DPP6: variants seen among roughly 807,000 people sequenced by gnomAD.
DPP6 encodes A-type potassium channel modulatory protein DPP6.
A neutral mutation model predicts 122.6 loss-of-function variants in DPP6; 69 were observed. That is an observed-to-expected ratio of 0.56 (90% CI 0.46 to 0.69). The LOEUF (loss-of-function observed/expected upper bound fraction) is 0.69, where lower values mean the gene tolerates loss of function less well. Among genes scored for constraint, DPP6 ranks in the 30% least tolerant of loss-of-function variants. The probability of loss-of-function intolerance (pLI) is 0.00; values close to 1 mark genes in which losing one functional copy is unlikely to be tolerated. For synonymous variants in DPP6, 418 were observed against 433.1 expected (o/e 0.97, Z 0.43); for missense variants, 928 against 1,116.9 (o/e 0.83, Z 2.41).
chr7:154,617,081 TG>T (rs1834309489), intron 5 of DPP6, among the ~76,000 whole-genome samples: 1 of 152,180 alleles, frequency 6.6e-6, no homozygotes, highest in East Asian at 1.9e-4. Flanking sequence ...AGAATGTGTT[TG>T]GTTTGGCTTT....
the DPP6 span, among the ~76,000 whole-genome samples, chr7:153,838,585 TG>T: frequency 6.6e-6 from 1 of 152,196 alleles, no homozygotes; most frequent in Non-Finnish European, 1.5e-5. Context: ...AGGATGTCTG[TG>T]AGAATCATTG....
At chr7:153,976,199 G>T (rs1167665417) in intron 1 of DPP6, among the ~76,000 whole-genome samples, 1 of 152,132 alleles carries the variant, frequency 6.6e-6, no homozygotes, top group Non-Finnish European at 1.5e-5. Flanking sequence ...TGTATTGAAA[G>T]AAAAAGAAGC....
intron 1 of DPP6, among the ~76,000 whole-genome samples, chr7:154,127,665 A>C (rs1808031747): frequency 1.4e-5 from 2 of 147,056 alleles, no homozygotes; most frequent in Non-Finnish European, 3.0e-5. Flanking sequence ...ACACACACAC[A>C]CACACACACA....
intron 1 of DPP6, among the ~76,000 whole-genome samples, chr7:154,242,092 G>C (rs1279549885): frequency 6.6e-6 from 1 of 152,198 alleles, no homozygotes; most frequent in Non-Finnish European, 1.5e-5. Flanking sequence ...AGTGCTGTCA[G>C]TTCCCTCTTT....
At chr7:153,810,169 G>C in the DPP6 span, among the ~76,000 whole-genome samples, 220 of 152,336 alleles carry the variant, frequency 1.4e-3, no homozygotes, top group Middle Eastern at 3.4e-3. Flanking sequence ...TCATCTCACA[G>C]CTGTGAAGCC....
At chr7:154,078,670 G>T (rs1803747485) in intron 1 of DPP6, among the ~76,000 whole-genome samples, 5 of 151,362 alleles carry the variant, frequency 3.3e-5, no homozygotes, top group South Asian at 4.2e-4. Flanking sequence ...GATTTTTTTT[G>T]TTGTTGTTAA....
chr7:154,167,238 G>C (rs1037100312), intron 1 of DPP6, among the ~76,000 whole-genome samples: 23 of 152,194 alleles, frequency 1.5e-4, no homozygotes, highest in African/African-American at 4.6e-4. Context: ...GGTGTGTGCT[G>C]CATTGAGGAG....
chr7:154,831,119 A>G (rs1250036503), intron 16 of DPP6, among the ~76,000 whole-genome samples: 1 of 152,212 alleles, frequency 6.6e-6, no homozygotes, highest in African/African-American at 2.4e-5. Flanking sequence ...CTGCCTTAGA[A>G]AAAGGACCAC....
intron 1 of DPP6, among the ~76,000 whole-genome samples, chr7:154,224,023 C>T (rs1800453630): frequency 6.8e-6 from 1 of 146,516 alleles, no homozygotes; most frequent in Admixed American, 6.7e-5. Context: ...CCTAGGAGAA[C>T]ACTGTGGCCC....
chr7:154,331,306 G>T (rs140903226), intron 1 of DPP6, among the ~76,000 whole-genome samples: 1 of 152,202 alleles, frequency 6.6e-6, no homozygotes, highest in African/African-American at 2.4e-5. Context: ...TTGTGAGAGG[G>T]ATGTAAGATT....
chr7:154,424,945 T>C (rs1226216925), intron 1 of DPP6, among the ~76,000 whole-genome samples: 1 of 152,264 alleles, frequency 6.6e-6, no homozygotes, highest in Non-Finnish European at 1.5e-5. Context: ...TGTAATTTGC[T>C]TTGCCGTGGT....
At chr7:154,794,825 C>T (rs1050642690) in intron 11 of DPP6, among the ~76,000 whole-genome samples, 10 of 150,840 alleles carry the variant, frequency 6.6e-5, no homozygotes, top group African/African-American at 2.4e-4. Flanking sequence ...CCCCCAGAAG[C>T]AGGTCACCTT....
chr7:154,879,319 G>A (rs890031100), intron 20 of DPP6, among the ~76,000 whole-genome samples: 7 of 92,972 alleles, frequency 7.5e-5, no homozygotes, highest in Admixed American at 1.4e-4. Flanking sequence ...GGTGGCTCAC[G>A]CCTGTAATCC....
At chr7:154,146,822 A>G (rs562283246) in intron 1 of DPP6, among the ~76,000 whole-genome samples, 1 of 147,792 alleles carries the variant, frequency 6.8e-6, no homozygotes, top group East Asian at 2.0e-4. Flanking sequence ...CGCGGCTGCC[A>G]GGCAGGGCCC....
intron 6 of DPP6, among the ~76,000 whole-genome samples, chr7:154,662,282 T>G (rs1220370470): frequency 1.3e-5 from 2 of 151,728 alleles, no homozygotes; most frequent in African/African-American, 4.9e-5. Flanking sequence ...TGAATCAGCA[T>G]GGCATATTGG....
intron 5 of DPP6, among the ~76,000 whole-genome samples, chr7:154,591,135 G>A (rs757750905): frequency 3.3e-5 from 5 of 152,178 alleles, no homozygotes; most frequent in African/African-American, 4.8e-5. Context: ...GCAAAGACGA[G>A]GCCACAAGGG....
intron 1 of DPP6, among the ~76,000 whole-genome samples, chr7:154,343,031 A>G (rs1397887152): frequency 6.6e-6 from 1 of 152,250 alleles, no homozygotes; most frequent in Non-Finnish European, 1.5e-5. Flanking sequence ...ACCAAGGTAC[A>G]GCAAGATTGT....
At chr7:154,296,202 G>T (rs1020559495) in intron 1 of DPP6, among the ~76,000 whole-genome samples, 1 of 151,862 alleles carries the variant, frequency 6.6e-6, no homozygotes, top group Non-Finnish European at 1.5e-5. Context: ...CCTCGGCCTC[G>T]CAAAGTGCTG....
chr7:153,820,391 C>T, the DPP6 span, among the ~76,000 whole-genome samples: 1 of 152,118 alleles, frequency 6.6e-6, no homozygotes, highest in Non-Finnish European at 1.5e-5. Flanking sequence ...CTCAATTGCT[C>T]AAAATAAAAT....
Sources: allele counts gnomAD v4.1 joint callset (sites outside exome capture counted in the v4.1 genomes callset), GRCh38; gene constraint gnomAD v4.1.1; transcripts MANE v1.5; gene names NCBI Gene and HGNC (gene_info 2026-07-23, HGNC 2026-07-21).